Variants in ASTN2 observed in about 807,000 individuals in gnomAD.
The protein encoded by ASTN2 is astrotactin-2.
A neutral mutation model predicts 139.8 loss-of-function variants in ASTN2; 54 were observed. The observed-to-expected ratio is 0.39, with a 90% CI of 0.31 to 0.48. ASTN2 has a LOEUF of 0.48. Ranked by LOEUF, ASTN2 falls within the 20% of genes least tolerant of loss-of-function variation. The pLI, the probability that ASTN2 is intolerant of heterozygous loss-of-function variation, is 0.95. For synonymous variants in ASTN2, 756 were observed against 719.5 expected (o/e 1.05, Z -0.81); for missense variants, 1,565 against 1,725.1 (o/e 0.91, Z 1.64).
intron 13 of ASTN2, among the ~76,000 whole-genome samples, chr9:116,739,489 TCTGGAATTTGCCCTCCC>T (rs1829040392): frequency 2.0e-5 from 3 of 151,804 alleles, no homozygotes; most frequent in Non-Finnish European, 4.4e-5. Flanking sequence ...TTGCCCTCCC[TCTGGAATTTGCCCTCCC>T]TCTGCACCTG....
intron 4 of ASTN2, among the ~76,000 whole-genome samples, chr9:117,124,778 A>G (rs912912495): frequency 1.7e-4 from 26 of 150,030 alleles, no homozygotes; most frequent in African/African-American, 6.2e-4. Flanking sequence ...GCATTCCAGC[A>G]TGGGTGACAT....
chr9:117,088,138 CT>C, intron 5 of ASTN2, among the ~76,000 whole-genome samples: 1 of 152,156 alleles, frequency 6.6e-6, no homozygotes, highest in Non-Finnish European at 1.5e-5. Context: ...AACCTTGTTG[CT>C]TGATGAGAAG....
intron 1 of ASTN2, among the ~76,000 whole-genome samples, chr9:117,328,805 G>A (rs1554720076): frequency 6.6e-6 from 1 of 152,198 alleles, no homozygotes; most frequent in Non-Finnish European, 1.5e-5. Context: ...CAGAGTAAAT[G>A]GGTTTAGCAA....
chr9:117,393,020 A>G (rs1009854704), intron 1 of ASTN2, among the ~76,000 whole-genome samples: 1 of 152,234 alleles, frequency 6.6e-6, no homozygotes, highest in African/African-American at 2.4e-5. Flanking sequence ...TTGGAGTCAC[A>G]TTTGGTAACA....
intron 19 of ASTN2, among the ~76,000 whole-genome samples, chr9:116,562,652 A>T (rs1367233447): frequency 6.6e-6 from 1 of 150,706 alleles, no homozygotes; most frequent in Non-Finnish European, 1.5e-5. Flanking sequence ...AATTGCTTGA[A>T]ACTGGGAGGC....
At chr9:117,298,658 ATATATATATGTG>A (rs1301941469) in intron 1 of ASTN2, among the ~76,000 whole-genome samples, 2 of 93,230 alleles carry the variant, frequency 2.1e-5, no homozygotes, top group Non-Finnish European at 2.2e-5. Context: ...TGGTGTGTGT[ATATATATATGTG>A]TATATATATA....
chr9:116,520,908 CAAAT>C (rs1276302139), intron 19 of ASTN2, among the ~76,000 whole-genome samples: 3 of 151,924 alleles, frequency 2.0e-5, no homozygotes, highest in Non-Finnish European at 2.9e-5. Flanking sequence ...ACAATAGCTG[CAAAT>C]AAATAAATAC....
intron 2 of ASTN2, among the ~76,000 whole-genome samples, chr9:117,240,190 T>C (rs1425715142): frequency 6.6e-6 from 1 of 152,090 alleles, no homozygotes; most frequent in Non-Finnish European, 1.5e-5. Flanking sequence ...CTAAGATGGG[T>C]CACTGGTAAA....
Position 116,910,335 on chromosome 9 carries a change from G to T in ASTN2, c.1890-46602C>A, listed in dbSNP as rs12005281. Reference sequence around the variant, plus strand: ...CTCTGCAACACTGGCATTTCGGGTCGGATAATCCTTTGTAGGGGACTGTCC... The same window carrying T: ...CTCTGCAACACTGGCATTTCGGGTCTGATAATCCTTTGTAGGGGACTGTCC... On this transcript the variant is annotated intron_variant, in intron 10 of 22. Coordinates refer to ENST00000313400, the MANE Select transcript of ASTN2 (RefSeq NM_001365068.1). Among the ~76,000 whole-genome samples, 458 of 152,192 alleles carry T rather than the reference G, an allele frequency of 3.0e-3. 1 individual carries two copies. Among genetic ancestry groups the T allele is most frequent in the South Asian group, 6.2e-3 (30 of 4,830 alleles).
At chr9:117,242,299 C>G (rs1283198929) in intron 2 of ASTN2, among the ~76,000 whole-genome samples, 1 of 152,062 alleles carries the variant, frequency 6.6e-6, no homozygotes, top group East Asian at 1.9e-4. Flanking sequence ...AGGCTATAAC[C>G]TATAAATATA....
intron 7 of ASTN2, among the ~76,000 whole-genome samples, chr9:116,994,447 A>G (rs1169468411): frequency 2.6e-5 from 4 of 152,142 alleles, no homozygotes; most frequent in Non-Finnish European, 5.9e-5. Flanking sequence ...GCCACTCAAT[A>G]AATATTTTGA....
intron 2 of ASTN2, among the ~76,000 whole-genome samples, chr9:117,251,555 A>G (rs1833539428): frequency 6.6e-6 from 1 of 152,202 alleles, no homozygotes; most frequent in South Asian, 2.1e-4. Context: ...CTCAATAAAC[A>G]CTAAATGAAT....
At chr9:117,401,642 A>C (rs185892134) in intron 1 of ASTN2, among the ~76,000 whole-genome samples, 5 of 152,268 alleles carry the variant, frequency 3.3e-5, no homozygotes, top group African/African-American at 1.2e-4. Flanking sequence ...CAGTTAATAA[A>C]TATTTTAAGC....
intron 13 of ASTN2, among the ~76,000 whole-genome samples, chr9:116,757,496 AGAG>A (rs1829563966): frequency 6.6e-6 from 1 of 152,112 alleles, no homozygotes; most frequent in Admixed American, 6.6e-5. Flanking sequence ...TTGCTTGACC[AGAG>A]GAGGATGGGG....
intron 3 of ASTN2, among the ~76,000 whole-genome samples, chr9:117,173,625 G>T (rs1459120140): frequency 6.6e-6 from 1 of 151,914 alleles, no homozygotes; most frequent in Admixed American, 6.6e-5. Context: ...AAATAAAAAT[G>T]TCCAAATAAT....
chr9:117,174,162 GATAGA>G (rs1217724673), intron 3 of ASTN2, among the ~76,000 whole-genome samples: 2 of 151,424 alleles, frequency 1.3e-5, no homozygotes, highest in Non-Finnish European at 3.0e-5. Context: ...TAGATAGATA[GATAGA>G]TAGATTAGAT....
chr9:116,547,181 T>C (rs1852133930), intron 19 of ASTN2: 1 of 152,238 alleles, frequency 6.6e-6, no homozygotes, highest in Admixed American at 6.5e-5. Context: ...GACAGATGTA[T>C]ATGGGATGGT....
intron 16 of ASTN2, among the ~76,000 whole-genome samples, chr9:116,654,752 A>G (rs1858112801): frequency 6.6e-6 from 1 of 152,222 alleles, no homozygotes; most frequent in African/African-American, 2.4e-5. Context: ...CATATTTTAA[A>G]GCACAGATGG....
At chr9:117,071,583 G>A (rs368874002) in intron 5 of ASTN2, among the ~76,000 whole-genome samples, 16,865 of 147,464 alleles carry the variant, frequency 0.11, 956 homozygotes, top group East Asian at 0.17. Context: ...AGCAAGCCTG[G>A]GCAATGGCGG....
Sources: gnomAD v4.1 joint callset for allele counts (sites outside exome capture counted in the v4.1 genomes callset) on GRCh38, gnomAD v4.1.1 for gene constraint, MANE v1.5 for transcripts, NCBI Gene and HGNC (gene_info 2026-07-23, HGNC 2026-07-21) for gene names.